Variants in BCAS3 observed in about 807,000 individuals in gnomAD.
BCAS3 encodes the protein BCAS4/BCAS3 fusion.
A neutral mutation model predicts 116.1 loss-of-function variants in BCAS3; 53 were observed. That is an observed-to-expected ratio of 0.46 (90% CI 0.37 to 0.57). The LOEUF is 0.57. Among genes scored for constraint, BCAS3 ranks in the 20% least tolerant of loss-of-function variants. The pLI, the probability that BCAS3 is intolerant of heterozygous loss-of-function variation, is 0.00. For synonymous variants in BCAS3, 391 were observed against 408.2 expected, an observed-to-expected ratio of 0.96 and a Z score of 0.51; for missense variants, 917 against 1,165.4, an observed-to-expected ratio of 0.79 and a Z score of 3.10.
intron 9 of BCAS3, among the ~76,000 whole-genome samples, chr17:60,887,908 C>G (rs2056840927): frequency 6.6e-6 from 1 of 151,944 alleles, no homozygotes; most frequent in African/African-American, 2.4e-5. Flanking sequence ...AATTTTTTAC[C>G]TTCATTTAAA....
chr17:60,992,307 T>G (rs1219049046), intron 15 of BCAS3, among the ~76,000 whole-genome samples: 4 of 151,578 alleles, frequency 2.6e-5, no homozygotes, highest in African/African-American at 9.7e-5. Context: ...CTCAAAAAAA[T>G]GGGACCTCTT....
At chr17:61,011,887 C>T (rs1176188187) in intron 15 of BCAS3, among the ~76,000 whole-genome samples, 1 of 152,032 alleles carries the variant, frequency 6.6e-6, no homozygotes, top group Non-Finnish European at 1.5e-5. Context: ...GTATTATTTA[C>T]ATGTCTGTGT....
At chr17:61,319,020 G>T (rs907602847) in intron 22 of BCAS3, among the ~76,000 whole-genome samples, 2 of 152,192 alleles carry the variant, frequency 1.3e-5, no homozygotes, top group African/African-American at 4.8e-5. Context: ...TCTCTTTTCT[G>T]ATCCTCATTT....
At chr17:61,319,323 G>A (rs2054999847) in intron 22 of BCAS3, among the ~76,000 whole-genome samples, 1 of 152,258 alleles carries the variant, frequency 6.6e-6, no homozygotes, top group South Asian at 2.1e-4. Context: ...TTGGTGATAT[G>A]ACACCCCCTA....
chr17:61,046,045 AT>A (rs1158022697), intron 19 of BCAS3, among the ~76,000 whole-genome samples: 1 of 17,520 alleles, frequency 5.7e-5, no homozygotes, highest in Middle Eastern at 0.029. Flanking sequence ...TTATATATAT[AT>A]AATATATATA....
Position 60,967,919 on chromosome 17 carries a change from T to C in BCAS3, c.1221+20567T>C, listed in dbSNP as rs2061743981. Among the ~76,000 whole-genome samples the C allele has an allele frequency of 2.6e-5, 4 of 152,250 alleles. No individual in the cohort carries two copies. Among genetic ancestry groups the C allele is most frequent in the Admixed American group, 2.6e-4 (4 of 15,290 alleles). On this transcript the variant is annotated intron_variant, in intron 14 of 23. Transcript: ENST00000407086. This position sits in a 1 kb window ranked among gnomAD's most constrained non-coding sequence, Gnocchi z 4.7. ...TCCCAATCTCTTTGTTAAATTTCTC[T>C]GATAAATTTCTGAATTGCTTTTCTG...
At chr17:61,096,927 C>G (rs1234233971) in intron 22 of BCAS3, among the ~76,000 whole-genome samples, 1 of 152,114 alleles carries the variant, frequency 6.6e-6, no homozygotes, top group African/African-American at 2.4e-5. Context: ...ATCAAACTGT[C>G]TAACATCTGT....
rs534418505 is a variant in BCAS3 at position 60,825,122 on chromosome 17, C to T, written c.476+17046C>T. On this transcript the variant is annotated intron_variant, in intron 7 of 23. Coordinates refer to ENST00000407086, the MANE Select transcript of BCAS3 (RefSeq NM_017679.5). ...TAGAGGTTGCAGTGAGCTGAGATCA[C>T]GCCACTGCACTGCAGCCTGGATGAC... 7.3e-5 allele frequency among the ~76,000 whole-genome samples: 11 copies of T among 150,522 alleles called. No homozygotes were observed. In the South Asian group the frequency reaches 2.1e-3, roughly 29 times the overall value.
At chr17:60,903,037 A>G (rs149659263) in intron 11 of BCAS3, among the ~76,000 whole-genome samples, 235 of 152,332 alleles carry the variant, frequency 1.5e-3, no homozygotes, top group African/African-American at 4.0e-3. Context: ...CCCTCGTCAC[A>G]TTCAAAGATT....
rs1443312130 is a variant in BCAS3 at position 61,139,184 on chromosome 17, C to T, written c.2425+54620C>T. ...TGATAGAAGTTCTGAATTACGGATA[C>T]ATTCTTAGGCTTAAAGAGTACACAT... On this transcript the variant is annotated intron_variant, in intron 22 of 23. Transcript: ENST00000407086. This position sits in a 1 kb window ranked among gnomAD's most constrained non-coding sequence, Gnocchi z 4.7. 1.3e-5 allele frequency among the ~76,000 whole-genome samples: 2 copies of T among 152,150 alleles called. No individual in the cohort carries two copies. The highest frequency in any genetic ancestry group is 3.8e-4 in the East Asian group (2 of 5,196).
At chr17:61,167,624 G>C (rs993100916) in intron 22 of BCAS3, among the ~76,000 whole-genome samples, 1 of 152,326 alleles carries the variant, frequency 6.6e-6, no homozygotes, top group Non-Finnish European at 1.5e-5. Context: ...GTAGTTTACA[G>C]TGTAATAGGG....
At position 61,325,986 on chromosome 17, in the gene BCAS3, A is replaced by G. The variant is rs958743175; in HGVS notation, c.2426-42341A>G. On this transcript the variant is annotated intron_variant, in intron 22 of 23. Coordinates refer to ENST00000407086, the MANE Select transcript of BCAS3 (RefSeq NM_017679.5). The surrounding 1 kb of genome is among the most constrained non-coding windows in gnomAD (Gnocchi z 6.4). ...AAAAATCGTGTTGTCATACATTACT[A>G]AGCACCCACCATTCATTTGTTTGGC... Among the ~76,000 whole-genome samples, 1 of 152,214 alleles carries G rather than the reference A, an allele frequency of 6.6e-6. No individual in the cohort carries two copies. Among genetic ancestry groups the G allele is most frequent in the Non-Finnish European group, 1.5e-5 (1 of 68,034 alleles).
chr17:61,286,712 G>T lies in BCAS3; in HGVS notation c.2426-81615G>T, dbSNP rs966364070. Among the ~76,000 whole-genome samples, 1 of 152,204 alleles carries T rather than the reference G, an allele frequency of 6.6e-6. No homozygotes were observed. The highest frequency in any genetic ancestry group is 1.5e-5 in the Non-Finnish European group (1 of 68,040). ...AGAGGAGCATGTCACCTTCAGAGTA[G>T]GTTGGACTGTAAATATGTTTGGTCT... On this transcript the variant is annotated intron_variant, in intron 22 of 23. Transcript: ENST00000407086. This position sits in a 1 kb window ranked among gnomAD's most constrained non-coding sequence, Gnocchi z 4.8.
intron 5 of BCAS3, among the ~76,000 whole-genome samples, chr17:60,718,072 T>C (rs1214904230): frequency 6.6e-6 from 1 of 152,146 alleles, no homozygotes; most frequent in Non-Finnish European, 1.5e-5. Context: ...GCTGCTGACC[T>C]GACAAGAGGC....
At chr17:61,049,539 C>T (rs2068644419) in intron 19 of BCAS3, among the ~76,000 whole-genome samples, 1 of 151,152 alleles carries the variant, frequency 6.6e-6, no homozygotes, top group Non-Finnish European at 1.5e-5. Flanking sequence ...TATAAAACTG[C>T]AGATAGAAAA....
At chr17:61,373,149 G>T (rs982919301) in intron 23 of BCAS3, among the ~76,000 whole-genome samples, 4 of 151,732 alleles carry the variant, frequency 2.6e-5, no homozygotes, top group Non-Finnish European at 5.9e-5. Context: ...GGAGTGCAGT[G>T]GCATGATCTC....
At position 61,041,812 on chromosome 17, in the gene BCAS3, A is replaced by G. The variant is rs537634235; in HGVS notation, c.2029+920A>G. 6.6e-6 allele frequency among the ~76,000 whole-genome samples: 1 copy of G among 152,184 alleles called. No homozygotes were observed. The highest frequency in any genetic ancestry group is 2.1e-4 in the South Asian group (1 of 4,810). Reference sequence around the variant, plus strand: ...TCTATAACTGTAATCAATAGTTGGCAGTCTTGCTCTCTCATATTATTGTTG... The same window carrying G: ...TCTATAACTGTAATCAATAGTTGGCGGTCTTGCTCTCTCATATTATTGTTG... On this transcript the variant is annotated intron_variant, in intron 19 of 23. Transcript: ENST00000407086. This position sits in a 1 kb window ranked among gnomAD's most constrained non-coding sequence, Gnocchi z 4.7.
chr17:60,706,846 GT>G (rs1198660755), intron 4 of BCAS3, among the ~76,000 whole-genome samples: 3 of 134,856 alleles, frequency 2.2e-5, no homozygotes, highest in African/African-American at 8.5e-5. Context: ...GTCTCACTCT[GT>G]CACCCAGGCT....
At chr17:61,331,505 G>T (rs1178598576) in intron 22 of BCAS3, among the ~76,000 whole-genome samples, 4 of 152,090 alleles carry the variant, frequency 2.6e-5, no homozygotes, top group Admixed American at 6.5e-5. Context: ...TCAAGGAAAA[G>T]GTCCAGGCCA....
Sources: allele counts gnomAD v4.1 joint callset (sites outside exome capture counted in the v4.1 genomes callset), GRCh38; gene constraint gnomAD v4.1.1; non-coding constraint Gnocchi (gnomAD v3.1); transcripts MANE v1.5; gene names NCBI Gene and HGNC (gene_info 2026-07-23, HGNC 2026-07-21).